The following PPP1R1C variants were observed in gnomAD, a reference collection of about 807,000 sequenced individuals.
PPP1R1C encodes the protein protein phosphatase 1 regulatory inhibitor subunit 1C.
A neutral mutation model predicts 17.4 loss-of-function variants in PPP1R1C; 15 were observed. That is an observed-to-expected ratio of 0.86 (90% CI 0.58 to 1.33). The LOEUF is 1.33. Among genes scored for constraint, PPP1R1C ranks in the 40% most tolerant of loss-of-function variants. PPP1R1C has a pLI of 0.00. For synonymous variants in PPP1R1C, 35 were observed against 43.1 expected, an observed-to-expected ratio of 0.81 and a Z score of 0.73; for missense variants, 143 against 130.0, an observed-to-expected ratio of 1.10 and a Z score of -0.48.
intron 4 of PPP1R1C, among the ~76,000 whole-genome samples, chr2:182,102,763 G>A (rs1689136189): frequency 6.6e-6 from 1 of 152,138 alleles, no homozygotes; most frequent in African/African-American, 2.4e-5. Context: ...AAGTAAGGTT[G>A]TTTTCCCTAC....
intron 1 of PPP1R1C, among the ~76,000 whole-genome samples, chr2:181,964,357 C>T (rs993980499): frequency 1.3e-5 from 2 of 152,118 alleles, no homozygotes; most frequent in African/African-American, 4.8e-5. Context: ...TTTCTTTATC[C>T]ATTGGTTTGT....
At chr2:182,016,106 G>T (rs902656468) in intron 2 of PPP1R1C, among the ~76,000 whole-genome samples, 1 of 152,186 alleles carries the variant, frequency 6.6e-6, no homozygotes, top group Non-Finnish European at 1.5e-5. Flanking sequence ...CAGCCACTGG[G>T]ATGAGTGCTT....
chr2:182,127,725 A>C (rs993736967), intron 5 of PPP1R1C, among the ~76,000 whole-genome samples: 1 of 152,084 alleles, frequency 6.6e-6, no homozygotes, highest in African/African-American at 2.4e-5. Context: ...GAGAAAGTAA[A>C]TATTTTTAAC....
chr2:181,967,962 G>A lies in PPP1R1C; in HGVS notation n.112-7257G>A, dbSNP rs1684935631. ...ACTCCCAATCTCAGGTGATCCACCC[G>A]CCTTGGTCTCCCAAAGTGCTGGGAT... On this transcript the variant is annotated intron_variant and non_coding_transcript_variant, in intron 1 of 5. Coordinates refer to the PPP1R1C transcript ENST00000464264. This position sits in a 1 kb window ranked among gnomAD's most constrained non-coding sequence, Gnocchi z 5.5. 2.0e-5 allele frequency among the ~76,000 whole-genome samples: 3 copies of A among 152,180 alleles called. No individual in the cohort carries two copies. The highest frequency in any genetic ancestry group is 1.3e-4 in the Admixed American group (2 of 15,270).
At chr2:181,969,270 C>G (rs1684961120) in intron 1 of PPP1R1C, among the ~76,000 whole-genome samples, 1 of 152,120 alleles carries the variant, frequency 6.6e-6, no homozygotes, top group South Asian at 2.1e-4. Context: ...TTTAGCATTT[C>G]TTGTAGGACA....
At chr2:181,954,961 T>G (rs1574336357) in intron 1 of PPP1R1C, among the ~76,000 whole-genome samples, 1 of 152,206 alleles carries the variant, frequency 6.6e-6, no homozygotes, top group African/African-American at 2.4e-5. Context: ...AAATCCTAAT[T>G]GAGGGCTGTC....
chr2:181,983,641 G>T (rs1685235312), upstream of PPP1R1C, among the ~76,000 whole-genome samples: 2 of 152,160 alleles, frequency 1.3e-5, no homozygotes, highest in African/African-American at 4.8e-5. Flanking sequence ...CTCCTCTAGT[G>T]CCATAGCAAA....
At chr2:182,121,213 T>G (rs1011754831), downstream of PPP1R1C, among the ~76,000 whole-genome samples, 4 of 152,186 alleles carry the variant, frequency 2.6e-5, no homozygotes, top group Non-Finnish European at 4.4e-5. Flanking sequence ...TGACTTGGAT[T>G]CAACTCCAGG....
At chr2:181,993,466 T>C (rs1279840109) in intron 2 of PPP1R1C, among the ~76,000 whole-genome samples, 1 of 152,152 alleles carries the variant, frequency 6.6e-6, no homozygotes, top group African/African-American at 2.4e-5. Context: ...TACTGGCCCA[T>C]TGTCCACATA....
intron 4 of PPP1R1C, among the ~76,000 whole-genome samples, chr2:182,072,121 A>G (rs941947039): frequency 2.6e-5 from 4 of 152,218 alleles, no homozygotes; most frequent in Non-Finnish European, 5.9e-5. Flanking sequence ...TGTAGGCGCT[A>G]TCAGTATGCT....
intron 2 of PPP1R1C, among the ~76,000 whole-genome samples, chr2:182,055,903 T>A (rs757382518): frequency 3.9e-5 from 6 of 152,354 alleles, no homozygotes; most frequent in Non-Finnish European, 7.3e-5. Flanking sequence ...ATTTTCTTCT[T>A]ATGTTTTGAA....
At chr2:181,968,944 A>G (rs1172006937) in intron 1 of PPP1R1C, among the ~76,000 whole-genome samples, 8 of 152,160 alleles carry the variant, frequency 5.3e-5, no homozygotes, top group South Asian at 2.1e-4. Flanking sequence ...TGGATTCATA[A>G]TGATTACAAA....
chr2:182,061,046 T>G (rs562476701), intron 2 of PPP1R1C, among the ~76,000 whole-genome samples: 1 of 152,226 alleles, frequency 6.6e-6, no homozygotes, highest in South Asian at 2.1e-4. Flanking sequence ...GAGATTTGAT[T>G]TGGGTAGTGA....
chr2:182,023,145 C>A (rs1686481692), intron 2 of PPP1R1C, among the ~76,000 whole-genome samples: 1 of 152,108 alleles, frequency 6.6e-6, no homozygotes, highest in Admixed American at 6.6e-5. Flanking sequence ...GAAAAATTAT[C>A]ATGCAAGAAA....
At chr2:181,989,074 G>C (rs975321920) in intron 2 of PPP1R1C, among the ~76,000 whole-genome samples, 1 of 152,074 alleles carries the variant, frequency 6.6e-6, no homozygotes. Context: ...AAGTCTTCTC[G>C]ATTTGGGGGT....
At chr2:182,123,792 A>G (rs1389065005) in intron 5 of PPP1R1C, among the ~76,000 whole-genome samples, 1 of 152,122 alleles carries the variant, frequency 6.6e-6, no homozygotes, top group Non-Finnish European at 1.5e-5. Flanking sequence ...CTTTTCTCCC[A>G]TTCTGTAGGT....
intron 4 of PPP1R1C, among the ~76,000 whole-genome samples, chr2:182,081,903 G>A (rs768213210): frequency 1.7e-4 from 26 of 152,060 alleles, no homozygotes; most frequent in Non-Finnish European, 3.2e-4. Flanking sequence ...ATAAATATCA[G>A]GGAGAAAAGC....
chr2:181,955,544 CT>C (rs1174437924), intron 1 of PPP1R1C, among the ~76,000 whole-genome samples: 1 of 152,182 alleles, frequency 6.6e-6, no homozygotes, highest in East Asian at 1.9e-4. Flanking sequence ...GTCTGTGAGG[CT>C]TTCTATTTTA....
intron 4 of PPP1R1C, among the ~76,000 whole-genome samples, chr2:182,084,059 T>A (rs932510313): frequency 6.6e-6 from 1 of 152,178 alleles, no homozygotes; most frequent in South Asian, 2.1e-4. Context: ...TTTATGTATA[T>A]CTTCTATTGA....
Sources: allele counts gnomAD v4.1 joint callset (sites outside exome capture counted in the v4.1 genomes callset), GRCh38; gene constraint gnomAD v4.1.1; non-coding constraint Gnocchi (gnomAD v3.1); transcripts MANE v1.5; gene names NCBI Gene and HGNC (gene_info 2026-07-23, HGNC 2026-07-21).